Variants in TAFA2 observed in about 807,000 individuals in gnomAD.
The protein encoded by TAFA2 is TAFA chemokine like family member 2, also known as chemokine-like protein TAFA-2.
TAFA2 carries 7 observed loss-of-function variants against 18.8 expected under a neutral mutation model. The ratio of observed to expected loss-of-function variants is 0.37; its 90% CI spans 0.21 to 0.70. The LOEUF (loss-of-function observed/expected upper bound fraction) is 0.70, where lower values mean the gene tolerates loss of function less well. TAFA2 is among the 30% of genes least tolerant of loss of function. The probability of loss-of-function intolerance (pLI) is 0.53; values close to 1 mark genes in which losing one functional copy is unlikely to be tolerated. For synonymous variants in TAFA2, 60 were observed against 54.2 expected, an observed-to-expected ratio of 1.11 and a Z score of -0.47; for missense variants, 122 against 158.1, an observed-to-expected ratio of 0.77 and a Z score of 1.23.
intron 2 of TAFA2, among the ~76,000 whole-genome samples, chr12:61,854,439 ATTCAATACATAT>A (rs1873803761): frequency 6.6e-6 from 1 of 152,064 alleles, no homozygotes; most frequent in Non-Finnish European, 1.5e-5. Flanking sequence ...TCCTCAAATA[ATTCAATACATAT>A]TTTCACAACT....
At chr12:61,769,747 C>A (rs1197964710) in intron 2 of TAFA2, among the ~76,000 whole-genome samples, 2 of 152,078 alleles carry the variant, frequency 1.3e-5, no homozygotes, top group Non-Finnish European at 2.9e-5. Flanking sequence ...TCAGCAGCCC[C>A]TGAGTCTCAG....
chr12:61,750,968 G>A (rs1868985460), intron 4 of TAFA2, among the ~76,000 whole-genome samples: 1 of 151,958 alleles, frequency 6.6e-6, no homozygotes, highest in African/African-American at 2.4e-5. Context: ...TTTGGCTCAT[G>A]GTGATCACAA....
intron 1 of TAFA2, among the ~76,000 whole-genome samples, chr12:62,053,384 C>T (rs1882105347): frequency 1.3e-5 from 2 of 151,896 alleles, no homozygotes; most frequent in Admixed American, 1.3e-4. Flanking sequence ...TTTGAAAGAG[C>T]ACCTTTATGC....
At chr12:61,788,109 T>A (rs12319994) in intron 2 of TAFA2, among the ~76,000 whole-genome samples, 6,899 of 151,514 alleles carry the variant, frequency 0.046, 497 homozygotes, top group African/African-American at 0.16. Context: ...GAACAAAAAA[T>A]GTCATTATAT....
At chr12:61,863,697 C>G (rs546705671) in intron 2 of TAFA2, among the ~76,000 whole-genome samples, 1 of 152,298 alleles carries the variant, frequency 6.6e-6, no homozygotes, top group Non-Finnish European at 1.5e-5. Flanking sequence ...AACGTAGCTG[C>G]TGATACACTA....
At chr12:61,959,433 G>T (rs1051545069) in intron 1 of TAFA2, among the ~76,000 whole-genome samples, 1 of 151,950 alleles carries the variant, frequency 6.6e-6, no homozygotes, top group African/African-American at 2.4e-5. Flanking sequence ...ATATTTTAAA[G>T]GTAGTGTTTG....
intron 1 of TAFA2, among the ~76,000 whole-genome samples, chr12:61,882,933 A>T (rs1408815822): frequency 1.3e-5 from 2 of 152,176 alleles, no homozygotes; most frequent in African/African-American, 4.8e-5. Flanking sequence ...TGCAAGGATT[A>T]AAAAAGTGTC....
intron 1 of TAFA2, among the ~76,000 whole-genome samples, chr12:62,179,793 AC>A (rs1270319520): frequency 6.6e-6 from 1 of 152,056 alleles, no homozygotes; most frequent in Non-Finnish European, 1.5e-5. Context: ...TTTCTCTCTT[AC>A]TTTTACTCCA....
chr12:61,998,884 TCAC>T (rs1188486301), intron 1 of TAFA2, among the ~76,000 whole-genome samples: 4 of 152,166 alleles, frequency 2.6e-5, no homozygotes, highest in African/African-American at 9.7e-5. Flanking sequence ...GCCAAACAGC[TCAC>T]CTAGAAGTAT....
intron 1 of TAFA2, among the ~76,000 whole-genome samples, chr12:62,008,746 A>G (rs1880637710): frequency 6.6e-6 from 1 of 152,196 alleles, no homozygotes; most frequent in South Asian, 2.1e-4. Context: ...ATGCATCAGG[A>G]TTACACACAA....
chr12:61,816,249 C>T (rs1565643925), intron 2 of TAFA2, among the ~76,000 whole-genome samples: 1 of 151,230 alleles, frequency 6.6e-6, no homozygotes, highest in Non-Finnish European at 1.5e-5. Flanking sequence ...TCATTAGCTC[C>T]CACTTGTAAG....
intron 1 of TAFA2, among the ~76,000 whole-genome samples, chr12:62,104,352 C>A (rs571922745): frequency 9.9e-5 from 15 of 151,618 alleles, no homozygotes; most frequent in Non-Finnish European, 1.9e-4. Context: ...TTTTAGACAC[C>A]AGGGTTTGCT....
chr12:62,167,938 A>G (rs1261064878), intron 1 of TAFA2, among the ~76,000 whole-genome samples: 1 of 152,216 alleles, frequency 6.6e-6, no homozygotes, highest in African/African-American at 2.4e-5. Context: ...TAATATCTGC[A>G]ATGGATTGAA....
Position 62,023,395 on chromosome 12 carries a change from T to A in TAFA2, c.-1-155969A>T, listed in dbSNP as rs535316318. On this transcript the variant is annotated intron_variant, in intron 1 of 4. Coordinates refer to ENST00000416284, the MANE Select transcript of TAFA2 (RefSeq NM_178539.5). Reference sequence around the variant, plus strand: ...CTGTTAGATAAACTTTCTTTTGAGTTCAGATCTAAATTTAATAATCATATA... The same window carrying A: ...CTGTTAGATAAACTTTCTTTTGAGTACAGATCTAAATTTAATAATCATATA... Among the ~76,000 whole-genome samples, 3 of 152,200 alleles carry A rather than the reference T, an allele frequency of 2.0e-5. No individual in the cohort carries two copies. In the East Asian group the frequency reaches 5.8e-4, roughly 29 times the overall value.
At chr12:62,081,030 G>A (rs1010677067) in intron 1 of TAFA2, among the ~76,000 whole-genome samples, 25 of 151,970 alleles carry the variant, frequency 1.6e-4, no homozygotes, top group African/African-American at 5.6e-4. Context: ...CTGTCTCTAC[G>A]AAAAGACACA....
chr12:61,818,898 G>T (rs1417376523), intron 2 of TAFA2, among the ~76,000 whole-genome samples: 2 of 152,122 alleles, frequency 1.3e-5, no homozygotes, highest in African/African-American at 4.8e-5. Flanking sequence ...CCAATGAAAA[G>T]ACTGAGACTC....
rs529214337 is a variant in TAFA2 at position 61,724,846 on chromosome 12, T to C, written c.385-14429A>G. The stretch of plus-strand genomic sequence containing the variant: ...TATGTATATACACCCAGTAGTGAGA[T>C]TGCTGGATCAAATTGTACATCTACT... On this transcript the variant is annotated intron_variant, in intron 4 of 4. Coordinates refer to ENST00000416284, the MANE Select transcript of TAFA2 (RefSeq NM_178539.5). 2.6e-5 allele frequency among the ~76,000 whole-genome samples: 4 copies of C among 150,950 alleles called. No homozygotes were observed. The South Asian group carries it at 6.3e-4, about 24-fold the overall frequency.
At chr12:61,953,270 C>A (rs1878532598) in intron 1 of TAFA2, among the ~76,000 whole-genome samples, 1 of 151,982 alleles carries the variant, frequency 6.6e-6, no homozygotes, top group African/African-American at 2.4e-5. Flanking sequence ...TATCATCCAC[C>A]TAGTCTGTGT....
intron 2 of TAFA2, among the ~76,000 whole-genome samples, chr12:61,763,450 G>A (rs75026039): frequency 0.028 from 4,298 of 151,922 alleles, 213 homozygotes; most frequent in African/African-American, 0.096. Context: ...TAGATTCTTT[G>A]CCTCTCACCT....
Sources: allele counts gnomAD v4.1 joint callset (sites outside exome capture counted in the v4.1 genomes callset), GRCh38; gene constraint gnomAD v4.1.1; transcripts MANE v1.5; gene names NCBI Gene and HGNC (gene_info 2026-07-23, HGNC 2026-07-21).